RERE: variants seen among roughly 807,000 people sequenced by gnomAD.
The protein encoded by RERE is arginine-glutamic acid dipeptide repeats.
Under a neutral mutation model 146.1 loss-of-function variants are expected in RERE, and 40 were observed. The ratio of observed to expected loss-of-function variants is 0.27; its 90% CI spans 0.21 to 0.36. The LOEUF is 0.36. Among genes scored for constraint, RERE ranks in the 10% least tolerant of loss-of-function variants. RERE has a pLI of 1.00. For synonymous variants in RERE, 1,003 were observed against 866.0 expected (o/e 1.16, Z -2.78); for missense variants, 1,933 against 2,138.7 (o/e 0.90, Z 1.90).
chr1:8,515,233 G>A (rs865786899), intron 7 of RERE, among the ~76,000 whole-genome samples: 4 of 151,962 alleles, frequency 2.6e-5, no homozygotes, highest in Non-Finnish European at 5.9e-5. Flanking sequence ...ACGGTGGCAC[G>A]CACCTATAAT....
At chr1:8,638,947 G>C (rs1647138810) in intron 2 of RERE, among the ~76,000 whole-genome samples, 1 of 151,922 alleles carries the variant, frequency 6.6e-6, no homozygotes, top group Admixed American at 6.6e-5. Flanking sequence ...CTAATTGTTT[G>C]CATTTTTAGT....
chr1:8,511,739 TC>T (rs1645338015), intron 7 of RERE: 1 of 151,622 alleles, frequency 6.6e-6, no homozygotes. Flanking sequence ...TAAGTATCCC[TC>T]CCCTGCTGCC....
At chr1:8,421,470 C>G (rs1643908936) in intron 12 of RERE, among the ~76,000 whole-genome samples, 1 of 152,074 alleles carries the variant, frequency 6.6e-6, no homozygotes, top group Admixed American at 6.5e-5. Flanking sequence ...TTCTCTCTCT[C>G]TGTTTTTTAC....
intron 7 of RERE, among the ~76,000 whole-genome samples, chr1:8,533,791 T>C (rs758025194): frequency 2.8e-4 from 43 of 152,266 alleles, no homozygotes; most frequent in Admixed American, 4.6e-4. Flanking sequence ...TTTTGTTATG[T>C]GTTATTCCAT....
At chr1:8,657,915 G>A (rs1570574132) in intron 1 of RERE, among the ~76,000 whole-genome samples, 1 of 152,112 alleles carries the variant, frequency 6.6e-6, no homozygotes, top group Admixed American at 6.5e-5. Context: ...TCCATCTTTC[G>A]GGAATATTAA....
chr1:8,448,914 A>T (rs1054710097), intron 11 of RERE, among the ~76,000 whole-genome samples: 3 of 152,130 alleles, frequency 2.0e-5, no homozygotes, highest in Non-Finnish European at 4.4e-5. Flanking sequence ...TGAAAAATCA[A>T]ACTGAAGAAT....
chr1:8,449,313 G>A lies in RERE; in HGVS notation c.1203+16612C>T, dbSNP rs533878588. On this transcript the variant is annotated intron_variant, in intron 11 of 22. Transcript: ENST00000400908. ...ACACTGAGAAAGCATCAAAGAAAACGAAACAACAGTGACATTTAAAGGGAA... is the reference window on the plus strand; with the variant it reads ...ACACTGAGAAAGCATCAAAGAAAACAAAACAACAGTGACATTTAAAGGGAA... Among the ~76,000 whole-genome samples the A allele has an allele frequency of 1.4e-4, 21 of 152,202 alleles. No individual in the cohort carries two copies. The South Asian group carries it at 2.9e-3, about 21-fold the overall frequency.
At chr1:8,686,209 C>T (rs979118371) in intron 1 of RERE, among the ~76,000 whole-genome samples, 2 of 152,070 alleles carry the variant, frequency 1.3e-5, no homozygotes, top group Non-Finnish European at 2.9e-5. Context: ...TCTTGAACTC[C>T]TGGGATCAAG....
chr1:8,500,274 A>T (rs572991919), intron 8 of RERE, among the ~76,000 whole-genome samples: 1 of 152,322 alleles, frequency 6.6e-6, no homozygotes, highest in African/African-American at 2.4e-5. Flanking sequence ...ATCGAAAAGT[A>T]CTATTACTGT....
intron 4 of RERE, among the ~76,000 whole-genome samples, chr1:8,564,980 T>C (rs1189875913): frequency 6.6e-6 from 1 of 151,896 alleles, no homozygotes; most frequent in African/African-American, 2.4e-5. Flanking sequence ...AAGCCAGGAA[T>C]TGAAAGACAA....
At chr1:8,751,658 G>A (rs962840157) in intron 1 of RERE, among the ~76,000 whole-genome samples, 4 of 151,904 alleles carry the variant, frequency 2.6e-5, no homozygotes, top group African/African-American at 4.8e-5. Flanking sequence ...ATAGCAACTC[G>A]GAGGCTAAAC....
intron 1 of RERE, among the ~76,000 whole-genome samples, chr1:8,725,051 T>C (rs1046903999): frequency 1.3e-5 from 2 of 152,180 alleles, no homozygotes; most frequent in Admixed American, 6.5e-5. Context: ...CGAATGCTTA[T>C]TTTACATTAC....
At chr1:8,692,335 TC>T (rs1421723199) in intron 1 of RERE, among the ~76,000 whole-genome samples, 1 of 133,906 alleles carries the variant, frequency 7.5e-6, no homozygotes, top group Non-Finnish European at 1.5e-5. Flanking sequence ...ACTCACATTC[TC>T]CCATATACTT....
rs1460297898 is a variant in RERE, at chr1:8,687,260, G to C, written c.-144-30819C>G. On this transcript the variant is annotated intron_variant, in intron 1 of 22. Coordinates refer to ENST00000400908, the MANE Select transcript of RERE (RefSeq NM_001042681.2). ...GCCTCAGAGAGTTCCCTGAACAGCT[G>C]GTCTATACACAAGCAGTGGGGAAAG... is the stretch of plus-strand genomic sequence containing the variant. Among the ~76,000 whole-genome samples, 4 of 152,232 alleles carry C rather than the reference G, an allele frequency of 2.6e-5. No individual in the cohort carries two copies. The South Asian group carries it at 8.3e-4, about 32-fold the overall frequency.
chr1:8,500,884 C>A (rs1424056536), intron 8 of RERE, among the ~76,000 whole-genome samples: 1 of 151,936 alleles, frequency 6.6e-6, no homozygotes, highest in African/African-American at 2.4e-5. Context: ...ATGTGAGGAG[C>A]GCCTCTGCCT....
intron 1 of RERE, among the ~76,000 whole-genome samples, chr1:8,808,009 TG>T (rs938178755): frequency 6.6e-6 from 1 of 152,086 alleles, no homozygotes; most frequent in African/African-American, 2.4e-5. Flanking sequence ...CCAGGCGTGG[TG>T]GGTCATACCT....
At chr1:8,697,676 C>T (rs1205422792) in intron 1 of RERE, among the ~76,000 whole-genome samples, 1 of 152,230 alleles carries the variant, frequency 6.6e-6, no homozygotes, top group Non-Finnish European at 1.5e-5. Flanking sequence ...GCGCGAGCCA[C>T]CACACCCAAC....
chr1:8,482,605 C>G (rs1162184747), intron 10 of RERE, among the ~76,000 whole-genome samples: 1 of 147,844 alleles, frequency 6.8e-6, no homozygotes, highest in Non-Finnish European at 1.5e-5. Context: ...TGGCGTGAAC[C>G]CAGGAGTTGG....
chr1:8,639,060 A>G (rs927161922), intron 2 of RERE, among the ~76,000 whole-genome samples: 8 of 152,266 alleles, frequency 5.3e-5, no homozygotes, highest in Admixed American at 2.0e-4. Flanking sequence ...GGCGTGAGCC[A>G]CCGCGCCCAG....
Sources: gnomAD v4.1 joint callset for allele counts (sites outside exome capture counted in the v4.1 genomes callset) on GRCh38, gnomAD v4.1.1 for gene constraint, MANE v1.5 for transcripts, NCBI Gene and HGNC (gene_info 2026-07-23, HGNC 2026-07-21) for gene names.